The following SNX29 variants were observed in gnomAD, a reference collection of about 807,000 sequenced individuals.
SNX29 encodes sorting nexin-29.
A neutral mutation model predicts 102.1 loss-of-function variants in SNX29; 78 were observed. The ratio of observed to expected loss-of-function variants is 0.76; its 90% CI spans 0.64 to 0.92. The LOEUF is 0.92. SNX29 is among the 40% of genes least tolerant of loss of function. The pLI is 0.00. For synonymous variants in SNX29, 580 were observed against 414.5 expected (o/e 1.40, Z -4.85); for missense variants, 1,280 against 1,061.7 (o/e 1.21, Z -2.86).
intron 15 of SNX29, among the ~76,000 whole-genome samples, chr16:12,316,185 T>TAGTC (rs2080729720): frequency 1.3e-5 from 2 of 152,164 alleles, no homozygotes; most frequent in South Asian, 4.1e-4. Context: ...TTGGAGGGAC[T>TAGTC]GGCTGTAGCC....
chr16:12,498,238 A>G (rs952266480), intron 19 of SNX29, among the ~76,000 whole-genome samples: 2 of 152,216 alleles, frequency 1.3e-5, no homozygotes, highest in Non-Finnish European at 2.9e-5. Context: ...AGAAGTCAGC[A>G]TGTCCCACTA....
chr16:11,982,135 A>G (rs1485906193), intron 1 of SNX29, among the ~76,000 whole-genome samples: 1 of 152,190 alleles, frequency 6.6e-6, no homozygotes. Flanking sequence ...ATGGATTCAT[A>G]TATGTATGTA....
chr16:12,534,973 C>T (rs550602755), intron 20 of SNX29, among the ~76,000 whole-genome samples: 17 of 152,118 alleles, frequency 1.1e-4, no homozygotes, highest in South Asian at 2.1e-4. Context: ...CTGACCTGAA[C>T]GTCATTAGTG....
At chr16:12,252,743 C>A (rs2142397471) in intron 14 of SNX29, among the ~76,000 whole-genome samples, 1 of 152,324 alleles carries the variant, frequency 6.6e-6, no homozygotes, top group East Asian at 1.9e-4. Context: ...CTGGCTCACA[C>A]CCCTAAGAGG....
chr16:12,057,377 T>G (rs922199029), intron 8 of SNX29, among the ~76,000 whole-genome samples: 4 of 152,238 alleles, frequency 2.6e-5, no homozygotes, highest in Admixed American at 2.6e-4. Flanking sequence ...TAGCATCCAC[T>G]TGGTGTCTGT....
intron 16 of SNX29, among the ~76,000 whole-genome samples, chr16:12,357,763 A>G (rs2082181649): frequency 6.6e-6 from 1 of 152,052 alleles, no homozygotes; most frequent in Non-Finnish European, 1.5e-5. Flanking sequence ...CTACTGTCTT[A>G]GGTTTCTTTT....
rs1237697202 is a variant in SNX29 at position 12,572,947 on chromosome 16, A to G, written c.*4318A>G. The stretch of plus-strand genomic sequence containing the variant: ...GTTTCTTCAAGGCAGGCATCTGCTT[A>G]TGAGCAAGGTCAAAGATTTTTCAAA... On this transcript the variant is annotated 3_prime_UTR_variant, in exon 21 of 21. Coordinates refer to ENST00000566228, the MANE Select transcript of SNX29 (RefSeq NM_032167.5). 1 of 698,016 alleles carries G rather than the reference A, an allele frequency of 1.4e-6. No individual in the cohort carries two copies. The allele number at this position is 698,016 out of a possible 1,614,324, so 43.2% of individuals were successfully genotyped here.
At chr16:12,067,238 A>G (rs1441653346) in intron 9 of SNX29, among the ~76,000 whole-genome samples, 1 of 152,074 alleles carries the variant, frequency 6.6e-6, no homozygotes, top group Admixed American at 6.6e-5. Flanking sequence ...GGAGTCAGTA[A>G]ATAACTTGAT....
At chr16:12,116,098 A>G (rs1437377146) in intron 11 of SNX29, among the ~76,000 whole-genome samples, 1 of 152,248 alleles carries the variant, frequency 6.6e-6, no homozygotes, top group African/African-American at 2.4e-5. Flanking sequence ...TAAGTGCAAT[A>G]TAGTGATTTT....
chr16:12,182,461 A>C (rs889000132), intron 13 of SNX29, among the ~76,000 whole-genome samples: 1 of 152,134 alleles, frequency 6.6e-6, no homozygotes. Flanking sequence ...ATGGCTGCTA[A>C]CGCTTGCTCA....
intron 16 of SNX29, among the ~76,000 whole-genome samples, chr16:12,364,834 C>T (rs1188102429): frequency 2.0e-5 from 3 of 152,138 alleles, no homozygotes; most frequent in Non-Finnish European, 2.9e-5. Flanking sequence ...CCTGTGGAAC[C>T]ACTGCCCTGA....
chr16:12,488,436 C>T (rs571420990), intron 19 of SNX29, among the ~76,000 whole-genome samples: 28 of 149,440 alleles, frequency 1.9e-4, no homozygotes, highest in African/African-American at 3.7e-4. Flanking sequence ...TCTTCCTTCC[C>T]GCAGTCCCCC....
At chr16:12,166,270 G>A (rs1446644096) in intron 13 of SNX29, among the ~76,000 whole-genome samples, 3 of 152,222 alleles carry the variant, frequency 2.0e-5, no homozygotes, top group Non-Finnish European at 4.4e-5. Flanking sequence ...TCTTGTGGAA[G>A]AGCAGCCAGG....
intron 15 of SNX29, among the ~76,000 whole-genome samples, chr16:12,355,681 C>T (rs958744046): frequency 6.6e-6 from 1 of 151,954 alleles, no homozygotes; most frequent in African/African-American, 2.4e-5. Context: ...TGGGGATCAG[C>T]TGAGAATATC....
chr16:12,317,307 A>G (rs2080780914), intron 15 of SNX29, among the ~76,000 whole-genome samples: 1 of 152,212 alleles, frequency 6.6e-6, no homozygotes, highest in Non-Finnish European at 1.5e-5. Context: ...CGCAGGACTC[A>G]GTCTGAACAG....
At chr16:12,441,597 T>A (rs529395388) in intron 18 of SNX29, among the ~76,000 whole-genome samples, 1 of 152,328 alleles carries the variant, frequency 6.6e-6, no homozygotes, top group South Asian at 2.1e-4. Context: ...TTTGATAGTG[T>A]CCTTTGAAGC....
In SNX29 at chr16:12,388,976, T is replaced by G. The variant is rs1597196711; in HGVS notation, c.1900-9470T>G. ...CTAAATCTGCTCCTGCCTGCAAGGGTGAGCTCCTCAGACCTGCCGCTTAAA... is the reference window on the plus strand; with the variant it reads ...CTAAATCTGCTCCTGCCTGCAAGGGGGAGCTCCTCAGACCTGCCGCTTAAA... On this transcript the variant is annotated intron_variant, in intron 16 of 20. Coordinates refer to ENST00000566228, the MANE Select transcript of SNX29 (RefSeq NM_032167.5). 2.0e-5 allele frequency among the ~76,000 whole-genome samples: 3 copies of G among 152,156 alleles called. 1 individual carries two copies. The highest frequency in any genetic ancestry group is 2.0e-4 in the Admixed American group (3 of 15,276).
intron 20 of SNX29, among the ~76,000 whole-genome samples, chr16:12,559,979 GAA>G (rs914936107): frequency 3.3e-5 from 5 of 151,924 alleles, no homozygotes; most frequent in Admixed American, 1.3e-4. Flanking sequence ...ACTCCACCAC[GAA>G]AAAAAGATTT....
At chr16:12,088,458 C>A (rs1024530347) in intron 11 of SNX29, among the ~76,000 whole-genome samples, 1 of 152,126 alleles carries the variant, frequency 6.6e-6, no homozygotes, top group Non-Finnish European at 1.5e-5. Flanking sequence ...GCTATCCCTC[C>A]CCAGCCCTCA....
Sources: allele counts gnomAD v4.1 joint callset (sites outside exome capture counted in the v4.1 genomes callset), GRCh38; gene constraint gnomAD v4.1.1; transcripts MANE v1.5; gene names NCBI Gene and HGNC (gene_info 2026-07-23, HGNC 2026-07-21).